RNF169: variants seen among roughly 807,000 people sequenced by gnomAD.
RNF169 encodes E3 ubiquitin-protein ligase RNF169.
Under a neutral mutation model 53.9 loss-of-function variants are expected in RNF169, and 24 were observed. The ratio of observed to expected loss-of-function variants is 0.45; its 90% confidence interval spans 0.32 to 0.63. The LOEUF is 0.63. RNF169 is among the 20% of genes least tolerant of loss of function. The pLI is 0.04. For synonymous variants in RNF169, 396 were observed against 363.5 expected (o/e 1.09, Z -1.02); for missense variants, 883 against 906.2 (o/e 0.97, Z 0.33).
rs541013474 is a variant in RNF169 at position 74,777,168 on chromosome 11, A to G, written c.503-12458A>G. ...CTGTGTTGAGGTAAGTGCTACTCCC[A>G]TTTTATGAATGAAGAAACAGGCTTA... is the stretch of plus-strand genomic sequence containing the variant. On this transcript the variant is annotated intron_variant, in intron 1 of 5. Transcript: ENST00000299563. 2.6e-5 allele frequency among the ~76,000 whole-genome samples: 4 copies of G among 152,352 alleles called. No homozygotes were observed. In the East Asian group the frequency reaches 7.7e-4, roughly 29 times the overall value.
chr11:74,804,572 A>G (rs1466356030), intron 2 of RNF169, among the ~76,000 whole-genome samples: 1 of 152,166 alleles, frequency 6.6e-6, no homozygotes, highest in African/African-American at 2.4e-5. Context: ...AAATTGGGTA[A>G]TTACCTTGCT....
At chr11:74,803,252 A>AT (rs1339290018) in intron 2 of RNF169, among the ~76,000 whole-genome samples, 4 of 151,850 alleles carry the variant, frequency 2.6e-5, no homozygotes, top group African/African-American at 9.7e-5. Context: ...CGCCTGGCTA[A>AT]TTTTTTATAT....
At chr11:74,807,294 T>A (rs1043455776) in intron 2 of RNF169, among the ~76,000 whole-genome samples, 5 of 152,170 alleles carry the variant, frequency 3.3e-5, no homozygotes, top group African/African-American at 1.2e-4. Flanking sequence ...AGCCAATAGA[T>A]ACATGCTTCC....
rs1001506117 is a variant in RNF169 at position 74,821,527 on chromosome 11, G to A, written c.842+3813G>A. On this transcript the variant is annotated intron_variant, in intron 4 of 5. Coordinates refer to ENST00000299563, the MANE Select transcript of RNF169 (RefSeq NM_001098638.2). ...CAAAAAATTAGCCGGGCGTAGTGGC[G>A]GGCGCCTGTAGTCCCAGCTACCTGG... is the stretch of plus-strand genomic sequence containing the variant. 2.1e-4 allele frequency among the ~76,000 whole-genome samples: 24 copies of A among 115,246 alleles called. 1 individual carries two copies. Among genetic ancestry groups the A allele is most frequent in the Non-Finnish European group, 3.0e-4 (18 of 60,548 alleles). 75.6% of individuals were successfully genotyped at this position (115,246 alleles called of 152,430 possible).
intron 1 of RNF169, among the ~76,000 whole-genome samples, chr11:74,755,257 A>G (rs895249530): frequency 5.9e-5 from 9 of 152,244 alleles, no homozygotes; most frequent in Admixed American, 1.3e-4. Flanking sequence ...CACTCTACCA[A>G]CTAAACAGTA....
In RNF169 at chr11:74,789,593, C is replaced by G. The variant is rs199865372; in HGVS notation, c.503-33C>G. On this transcript the variant is annotated intron_variant, in intron 1 of 5. Coordinates refer to ENST00000299563, the MANE Select transcript of RNF169 (RefSeq NM_001098638.2). The stretch of plus-strand genomic sequence containing the variant: ...CCTGTGGGTCTTCCTAGAAAGTCAT[C>G]TTAAAAAGTATTTTCTTTTCCCTTT... 38 of 1,463,032 alleles carry G rather than the reference C, an allele frequency of 2.6e-5. No homozygotes were observed. In the Admixed American group the frequency reaches 3.5e-4, roughly 13 times the overall value. The allele number at this position is 1,463,032 out of a possible 1,614,324, so 90.6% of individuals were successfully genotyped here. A position where few individuals can be genotyped will look rare whatever the true frequency, so the allele number is the denominator to read the frequency against.
chr11:74,786,832 A>G (rs2035510805), intron 1 of RNF169, among the ~76,000 whole-genome samples: 1 of 152,200 alleles, frequency 6.6e-6, no homozygotes. Context: ...TAAGTTGGGG[A>G]TCAGGCTTAC....
chr11:74,818,688 C>A (rs1042848038), intron 4 of RNF169, among the ~76,000 whole-genome samples: 5 of 152,188 alleles, frequency 3.3e-5, no homozygotes, highest in African/African-American at 1.2e-4. Flanking sequence ...GCCACTGTGT[C>A]TGGCCAAAGA....
At chr11:74,798,461 T>G (rs2035681428) in intron 2 of RNF169, among the ~76,000 whole-genome samples, 1 of 152,186 alleles carries the variant, frequency 6.6e-6, no homozygotes, top group Non-Finnish European at 1.5e-5. Context: ...CTAATAAATT[T>G]TGATCAGACC....
intron 1 of RNF169, among the ~76,000 whole-genome samples, chr11:74,764,420 G>A (rs1400456063): frequency 2.0e-5 from 3 of 152,130 alleles, no homozygotes; most frequent in Non-Finnish European, 4.4e-5. Context: ...GTAATCATTG[G>A]GAGTCTGAGG....
intron 2 of RNF169, among the ~76,000 whole-genome samples, chr11:74,809,878 C>T (rs2035852800): frequency 1.3e-5 from 2 of 152,236 alleles, no homozygotes; most frequent in Admixed American, 6.5e-5. Flanking sequence ...GGAAGATTTT[C>T]AGGCTTAGCC....
chr11:74,767,762 A>G (rs2035196702), intron 1 of RNF169, among the ~76,000 whole-genome samples: 1 of 151,234 alleles, frequency 6.6e-6, no homozygotes, highest in South Asian at 2.1e-4. Flanking sequence ...TTTTTTTAGT[A>G]GAGACGGGGT....
intron 1 of RNF169, among the ~76,000 whole-genome samples, chr11:74,775,535 T>TC (rs2035320998): frequency 6.6e-6 from 1 of 152,106 alleles, no homozygotes; most frequent in African/African-American, 2.4e-5. Flanking sequence ...GTTTTTTTTT[T>TC]CCTTCCCCAA....
chr11:74,800,259 T>C (rs1217719342), intron 2 of RNF169, among the ~76,000 whole-genome samples: 1 of 152,170 alleles, frequency 6.6e-6, no homozygotes, highest in African/African-American at 2.4e-5. Context: ...TGGTTATATT[T>C]TTCCAGATTC....
chr11:74,749,441 G>T, intron 1 of RNF169, 59 bp downstream of exon 1: 1 of 1,200,622 alleles, frequency 8.3e-7, no homozygotes, highest in Non-Finnish European at 1.0e-6. Flanking sequence ...CCCCGGCCCG[G>T]CCTGGTGAGG....
At chr11:74,814,548 T>C (rs2035918679) in intron 3 of RNF169, among the ~76,000 whole-genome samples, 1 of 150,272 alleles carries the variant, frequency 6.7e-6, no homozygotes, top group Non-Finnish European at 1.5e-5. Flanking sequence ...GCCTGACTAG[T>C]TTTTTTTTCA....
chr11:74,824,915 G>A (rs1219036688), intron 4 of RNF169, among the ~76,000 whole-genome samples: 1 of 152,210 alleles, frequency 6.6e-6, no homozygotes, highest in Non-Finnish European at 1.5e-5. Context: ...TTAAGAGGAG[G>A]AGATTGGGAG....
In RNF169 at chr11:74,842,405, G is replaced by C. The variant is rs1240181933; in HGVS notation, c.*5675G>C. On this transcript the variant is annotated 3_prime_UTR_variant, in exon 6 of 6. Coordinates refer to ENST00000299563, the MANE Select transcript of RNF169 (RefSeq NM_001098638.2). ...TGAGAATACAGTAAAGGAAACTCATGAAAGTGGATGTTCTGTTTATAGTCA... is the reference window on the plus strand; with the variant it reads ...TGAGAATACAGTAAAGGAAACTCATCAAAGTGGATGTTCTGTTTATAGTCA... The C allele has an allele frequency of 6.6e-6, 1 of 152,252 alleles. No homozygotes were observed. The highest frequency in any genetic ancestry group is 2.4e-5 in the African/African-American group (1 of 41,466). The allele number at this position is 152,252 out of a possible 1,614,324, so 9.4% of individuals were successfully genotyped here.
chr11:74,764,325 G>A (rs2035138672), intron 1 of RNF169, among the ~76,000 whole-genome samples: 1 of 152,224 alleles, frequency 6.6e-6, no homozygotes, highest in African/African-American at 2.4e-5. Flanking sequence ...CTCAAGGTCA[G>A]GAGTTCAAGA....
Sources: allele counts gnomAD v4.1 joint callset (sites outside exome capture counted in the v4.1 genomes callset), GRCh38; gene constraint gnomAD v4.1.1; transcripts MANE v1.5; gene names NCBI Gene and HGNC (gene_info 2026-07-23, HGNC 2026-07-21).